The following WASHC3 variants were observed in gnomAD, a reference collection of about 807,000 sequenced individuals.
WASHC3 encodes WASH complex subunit CCDC53.
WASHC3 carries 24 observed loss-of-function variants against 26.1 expected under a neutral mutation model. The ratio of observed to expected loss-of-function variants is 0.92; its 90% CI spans 0.66 to 1.29. The LOEUF (loss-of-function observed/expected upper bound fraction) is 1.29, where lower values mean the gene tolerates loss of function less well. Ranked by LOEUF, WASHC3 falls within the 50% of genes most tolerant of loss-of-function variation. The pLI is 0.00. For synonymous variants in WASHC3, 77 were observed against 75.7 expected, an observed-to-expected ratio of 1.02 and a Z score of -0.09; for missense variants, 214 against 229.6, an observed-to-expected ratio of 0.93 and a Z score of 0.44.
At chr12:102,059,522 A>G (rs1878722881) in intron 2 of WASHC3, 1 of 152,192 alleles carries the variant, frequency 6.6e-6, no homozygotes, top group Non-Finnish European at 1.5e-5. Context: ...GGCTTTGATC[A>G]TAATCTATCA....
At chr12:102,051,010 A>G (rs1878373503) in intron 2 of WASHC3, among the ~76,000 whole-genome samples, 2 of 152,268 alleles carry the variant, frequency 1.3e-5, no homozygotes, top group African/African-American at 2.4e-5. Context: ...TTACAAAAGT[A>G]GCCTAATATG....
chr12:102,035,936 C>T (rs1000674410), intron 5 of WASHC3, among the ~76,000 whole-genome samples: 5 of 152,078 alleles, frequency 3.3e-5, no homozygotes, highest in East Asian at 1.9e-4. Context: ...ATTTAGTGGA[C>T]GCAATCGTAG....
chr12:102,043,336 C>G (rs1441400052), intron 4 of WASHC3, among the ~76,000 whole-genome samples: 1 of 152,078 alleles, frequency 6.6e-6, no homozygotes, highest in Non-Finnish European at 1.5e-5. Context: ...GTAGTGTAAT[C>G]TCGGTTCACT....
intron 2 of WASHC3, among the ~76,000 whole-genome samples, 185 bp from the exon 3 acceptor site, chr12:102,046,304 C>CT (rs71877323): frequency 0.3 from 45,480 of 149,478 alleles, 7,181 homozygotes; most frequent in East Asian, 0.45. Context: ...TTCTCAGTTT[C>CT]TTTTTTTTTT....
At chr12:102,050,464 A>ACG in intron 2 of WASHC3, 1 of 397,188 alleles carries the variant, frequency 2.5e-6, no homozygotes, top group East Asian at 7.2e-5. Flanking sequence ...ACACACACAC[A>ACG]CACACACACA....
At chr12:102,025,782 G>T in intron 6 of WASHC3, 192 bp downstream of exon 6, 1 of 481,824 alleles carries the variant, frequency 2.1e-6, no homozygotes, top group Non-Finnish European at 3.6e-6. Flanking sequence ...CCTAAAATGT[G>T]TAAAGGCTGG....
chr12:102,027,394 T>C (rs1877242000), intron 5 of WASHC3, among the ~76,000 whole-genome samples: 1 of 152,144 alleles, frequency 6.6e-6, no homozygotes, highest in Non-Finnish European at 1.5e-5. Context: ...CCCAGTAAAA[T>C]CTGAGTTTAA....
chr12:102,058,487 T>C (rs958551894), intron 2 of WASHC3, among the ~76,000 whole-genome samples: 5 of 152,098 alleles, frequency 3.3e-5, no homozygotes, highest in Admixed American at 6.5e-5. Context: ...TTTAAAAGAC[T>C]ACGAAGCTTT....
At chr12:102,035,734 T>G (rs923522123) in intron 5 of WASHC3, among the ~76,000 whole-genome samples, 1 of 152,332 alleles carries the variant, frequency 6.6e-6, no homozygotes, top group Non-Finnish European at 1.5e-5. Context: ...ATACACGGAT[T>G]AATCAAGATA....
Position 102,039,932 on chromosome 12 carries a change from G to A in WASHC3, c.371C>T (p.Ala124Val). The A allele has an allele frequency of 6.2e-7, 1 of 1,604,522 alleles. No homozygotes were observed. The highest frequency in any genetic ancestry group is 8.5e-7 in the Non-Finnish European group (1 of 1,171,780). The change falls in exon 5 of 7, where the codon GCA (alanine) becomes GTA (valine). Residue 124 changes from alanine to valine, a missense_variant. By Grantham distance (64) the Ala-to-Val change is moderately conservative. Coordinates refer to ENST00000240079, the MANE Select transcript of WASHC3 (RefSeq NM_016053.4). ...DSGLQESEVS[A>V]ENILTVAKDP... ...CTTGGCTACAGTTAAGATATTTTCT[G>A]CTGATACTTCACTTTCCTGTAGTCC...
intron 2 of WASHC3, among the ~76,000 whole-genome samples, chr12:102,046,526 C>T (rs1878174336): frequency 6.6e-6 from 1 of 152,152 alleles, no homozygotes; most frequent in South Asian, 2.1e-4. Context: ...ATCTCTTGAC[C>T]TCGTGATCTG....
At chr12:102,026,463 G>T (rs1448163035) in intron 5 of WASHC3, among the ~76,000 whole-genome samples, 2 of 152,104 alleles carry the variant, frequency 1.3e-5, no homozygotes, top group African/African-American at 4.8e-5. Flanking sequence ...CTATATTAAT[G>T]TTCTTTTAAT....
upstream of WASHC3, chr12:102,062,084 G>T: frequency 1.3e-6 from 1 of 773,262 alleles, no homozygotes; most frequent in Non-Finnish European, 2.1e-6. Context: ...CCTTCCCGCC[G>T]GAAGAAAGCT....
Position 102,061,916 on chromosome 12 carries a change from G to A in WASHC3, c.47C>T (p.Thr16Ile). The change falls in exon 1 of 7, where the codon ACC becomes ATC. Residue 16 changes from threonine to isoleucine, a missense_variant. Physicochemically the swap from Thr to Ile is moderately conservative, Grantham distance 89. Coordinates refer to ENST00000240079, the MANE Select transcript of WASHC3 (RefSeq NM_016053.4). ...CTAGCACCGTCTTTTACAAACCTTG[G>A]TCAGGTCTATGCCTGACCCCATGAG... is the stretch of plus-strand genomic sequence containing the variant. ...LPLMGSGIDL[T>I]KVPAIQQKRT... is the part of the protein sequence containing the mutation. The A allele has an allele frequency of 6.3e-7, 1 of 1,598,178 alleles. No homozygotes were observed. The highest frequency in any genetic ancestry group is 8.5e-7 in the Non-Finnish European group (1 of 1,171,700).
At chr12:102,028,130 T>C (rs1274051327) in intron 5 of WASHC3, among the ~76,000 whole-genome samples, 2 of 152,090 alleles carry the variant, frequency 1.3e-5, no homozygotes, top group Non-Finnish European at 2.9e-5. Context: ...AGATTCAAGT[T>C]TGGAATAAAG....
In WASHC3 at chr12:102,044,200, G is replaced by A. The variant is rs766483571; in HGVS notation, c.229C>T (p.Pro77Ser). Residue 77 changes from proline to serine, a missense_variant, in exon 4 of 7, where the codon CCA becomes TCA. Physicochemically the swap from Pro to Ser is moderately conservative, Grantham distance 74 (BLOSUM62 -1). Transcript: ENST00000240079. ...NILDAKLSSI[P>S]GLDDVTVEVS... ...TCAACTGTGACATCATCTAGGCCTG[G>A]GATAGATGACAACTGAGAAAAGAAA... 3 of 1,591,798 alleles carry A rather than the reference G, an allele frequency of 1.9e-6. No individual in the cohort carries two copies. In the Admixed American group the frequency reaches 5.1e-5, roughly 27 times the overall value.
chr12:102,029,037 T>C lies in WASHC3; in HGVS notation c.436-2999A>G, dbSNP rs147094234. 2.4e-4 allele frequency among the ~76,000 whole-genome samples: 36 copies of C among 152,260 alleles called. No homozygotes were observed. The East Asian group carries it at 6.6e-3, about 28-fold the overall frequency. On this transcript the variant is annotated intron_variant, in intron 5 of 6. Transcript: ENST00000240079. ...ATTCTGAGACTTACTATCACTACCTTAATACGAATCTCATAAAGCTTGATA... is the reference window on the plus strand; with the variant it reads ...ATTCTGAGACTTACTATCACTACCTCAATACGAATCTCATAAAGCTTGATA...
Position 102,018,587 on chromosome 12 carries a change from C to T in WASHC3, c.501-5395G>A, listed in dbSNP as rs1179574654. Among the ~76,000 whole-genome samples the T allele has an allele frequency of 2.0e-5, 3 of 152,088 alleles. No individual in the cohort carries two copies. The East Asian group carries it at 5.8e-4, about 29-fold the overall frequency. On this transcript the variant is annotated intron_variant, in intron 6 of 6. Transcript: ENST00000240079. ...TCCTGGGCTCAAGTGATCCTCCTGC[C>T]TTAGCCTCCCAAGTACTTGGGACTG... is the stretch of plus-strand genomic sequence containing the variant.
chr12:102,042,528 C>G (rs553157912), intron 4 of WASHC3, among the ~76,000 whole-genome samples: 1 of 152,148 alleles, frequency 6.6e-6, no homozygotes, highest in Non-Finnish European at 1.5e-5. Flanking sequence ...CTAGCTCTTA[C>G]GTTACTTTTC....
Sources: allele counts gnomAD v4.1 joint callset (sites outside exome capture counted in the v4.1 genomes callset), GRCh38; gene constraint gnomAD v4.1.1; transcripts MANE v1.5; gene names NCBI Gene and HGNC (gene_info 2026-07-23, HGNC 2026-07-21).